UNC119B: variants seen among roughly 807,000 people sequenced by gnomAD.
UNC119B encodes protein unc-119 homolog B.
A neutral mutation model predicts 23.4 loss-of-function variants in UNC119B; 16 were observed. The ratio of observed to expected loss-of-function variants is 0.68; its 90% CI spans 0.46 to 1.04. UNC119B has a LOEUF of 1.04. UNC119B is among the 50% of genes least tolerant of loss of function. UNC119B has a pLI of 0.00. For missense variants in UNC119B, 350 were observed against 361.3 expected (o/e 0.97, Z 0.25); for synonymous variants, 144 against 145.4 (o/e 0.99, Z 0.07).
intron 2 of UNC119B, 24 bp downstream of exon 2, chr12:120,713,411 C>T (rs753912692): frequency 1.9e-6 from 3 of 1,556,770 alleles, no homozygotes; most frequent in Non-Finnish European, 2.6e-6. Context: ...TTGTGGTGAC[C>T]ACTAGACAGT....
Position 120,710,648 on chromosome 12 carries a change from G to A in UNC119B, c.174G>A (p.Thr58=), listed in dbSNP as rs932363020. The change falls in exon 1 of 5, where the codon ACG becomes ACA. Residue 58 remains threonine, a synonymous_variant. Coordinates refer to ENST00000344651, the MANE Select transcript of UNC119B (RefSeq NM_001080533.3). ...AADDGVGAAV[T]EQELLALDTI... ...ACGACGGCGTCGGGGCAGCGGTCACGGAGCAGGAGCTGCTGGCGCTGGACA... is the reference window on the plus strand; with the variant it reads ...ACGACGGCGTCGGGGCAGCGGTCACAGAGCAGGAGCTGCTGGCGCTGGACA... 1.4e-5 allele frequency: 20 copies of A among 1,447,390 alleles called. No homozygotes were observed. The highest frequency in any genetic ancestry group is 3.1e-5 in the East Asian group (1 of 32,748). 89.7% of individuals were successfully genotyped at this position (1,447,390 alleles called of 1,614,324 possible). A position where few individuals can be genotyped will look rare whatever the true frequency, so the allele number is the denominator to read the frequency against.
In UNC119B at chr12:120,722,590, C is replaced by T. The variant is rs573311775; in HGVS notation, c.*2558C>T. The T allele has an allele frequency of 6.6e-6, 1 of 152,364 alleles. No individual in the cohort carries two copies. The highest frequency in any genetic ancestry group is 2.1e-4 in the South Asian group (1 of 4,826). 9.4% of individuals were successfully genotyped at this position (152,364 alleles called of 1,614,324 possible). ...AAACTACCTGCATAGGAGACCCTGC[C>T]CTTTGTCAAGAGCTGGGAGCACATT... On this transcript the variant is annotated 3_prime_UTR_variant, in exon 5 of 5. Transcript: ENST00000344651.
At chr12:120,710,747 C>T (rs1714078280) in intron 1 of UNC119B, 29 bp downstream of exon 1, 1 of 1,308,248 alleles carries the variant, frequency 7.6e-7, no homozygotes, top group Non-Finnish European at 9.7e-7. Flanking sequence ...GCGCCCTCCC[C>T]TCGCGCCGTG....
chr12:120,711,117 C>T (rs1430645573), intron 1 of UNC119B: 1 of 158,152 alleles, frequency 6.3e-6, no homozygotes, highest in African/African-American at 2.4e-5. Flanking sequence ...GAAGTTCCCG[C>T]TCAGCCAGGC....
intron 2 of UNC119B, among the ~76,000 whole-genome samples, chr12:120,714,346 A>G (rs1161009175): frequency 2.0e-5 from 3 of 151,834 alleles, no homozygotes; most frequent in East Asian, 1.9e-4. Flanking sequence ...TTTGAGACAC[A>G]GTCTTGGTCT....
chr12:120,722,799 C>T lies in UNC119B; in HGVS notation c.*2767C>T, dbSNP rs972781077. ...TTCTATGTTTTAAGAGGTAAAAGGA[C>T]ATAACAAGTGAAAGAAGTTTTGGGC... On this transcript the variant is annotated 3_prime_UTR_variant, in exon 5 of 5. Coordinates refer to ENST00000344651, the MANE Select transcript of UNC119B (RefSeq NM_001080533.3). The T allele has an allele frequency of 6.6e-6, 1 of 152,196 alleles. No individual in the cohort carries two copies. The highest frequency in any genetic ancestry group is 6.5e-5 in the Admixed American group (1 of 15,282). The allele number at this position is 152,196 out of a possible 1,614,324, so 9.4% of individuals were successfully genotyped here. A position where few individuals can be genotyped will look rare whatever the true frequency, so the allele number is the denominator to read the frequency against.
Position 120,716,919 on chromosome 12 carries a change from G to T in UNC119B, c.520G>T (p.Glu174Ter). The stretch of plus-strand genomic sequence containing the variant: ...ACCTGTTTCAAACTTCCGGATGATC[G>T]AACGGCACTATTTCCGGGAACACTT... ...DKPVSNFRMI[E>*]RHYFREHLLK... Residue 174 changes from glutamate (E) to a stop codon, truncating the protein, a stop_gained, in exon 4 of 5, where the codon GAA (glutamate) becomes TAA (stop). Coordinates refer to ENST00000344651, the MANE Select transcript of UNC119B (RefSeq NM_001080533.3). LOFTEE classifies it high-confidence loss of function. 6.2e-7 allele frequency: 1 copy of T among 1,613,572 alleles called. No homozygotes were observed. The highest frequency in any genetic ancestry group is 8.5e-7 in the Non-Finnish European group (1 of 1,179,696).
intron 4 of UNC119B, among the ~76,000 whole-genome samples, 190 bp downstream of exon 4, chr12:120,717,232 C>T (rs567049232): frequency 9.9e-5 from 15 of 152,222 alleles, no homozygotes; most frequent in Non-Finnish European, 1.8e-4. Context: ...TGACTCGGCC[C>T]GTATGGGAGC....
Position 120,719,953 on chromosome 12 carries a change from G to A in UNC119B, c.677G>A (p.Arg226His), listed in dbSNP as rs867265235. 14 of 1,613,938 alleles carry A rather than the reference G, an allele frequency of 8.7e-6. No homozygotes were observed. Among genetic ancestry groups the A allele is most frequent in the Middle Eastern group, 1.6e-4 (1 of 6,082 alleles). The change falls in exon 5 of 5, where the codon CGC (arginine) becomes CAC (histidine). Residue 226 changes from arginine (R) to histidine (H), a missense_variant. By Grantham distance (29) the Arg-to-His change is conservative. Transcript: ENST00000344651. ...ATGATTGAAAATCCTTACGAGACCC[G>A]CTCTGACAGCTTCTACTTTGTTGAC... The part of the protein sequence containing the change: ...RLMIENPYET[R>H]SDSFYFVDNK...
At chr12:120,713,537 G>C (rs1882712318) in intron 2 of UNC119B, 150 bp downstream of exon 2, 1 of 618,944 alleles carries the variant, frequency 1.6e-6, no homozygotes, top group Non-Finnish European at 2.9e-6. Context: ...GCCAGGCATG[G>C]TGGTTTGAAG....
At chr12:120,715,102 G>A (rs1010363826) in intron 2 of UNC119B, among the ~76,000 whole-genome samples, 16 of 152,176 alleles carry the variant, frequency 1.1e-4, no homozygotes, top group Admixed American at 3.9e-4. Context: ...GAGGTGGAAG[G>A]ATGGCTTGAG....
At chr12:120,713,711 C>CT (rs886475320) in intron 2 of UNC119B, among the ~76,000 whole-genome samples, 1 of 152,204 alleles carries the variant, frequency 6.6e-6, no homozygotes, top group African/African-American at 2.4e-5. Context: ...CCAGGCGGCT[C>CT]TTTCCTAAGG....
rs780213745 is a variant in UNC119B at position 120,710,480 on chromosome 12, C to G, written c.6C>G (p.Ser2Arg). M[S>R]GSNPKAAAAA... Reference sequence around the variant, plus strand: ...GCCATCTTGGCGGCGGAGCGATGAGCGGGTCTAACCCGAAGGCTGCGGCCG... The same window carrying G: ...GCCATCTTGGCGGCGGAGCGATGAGGGGGTCTAACCCGAAGGCTGCGGCCG... Residue 2 changes from serine to arginine, a missense_variant, in exon 1 of 5, where the codon AGC (serine) becomes AGG (arginine). Coordinates refer to ENST00000344651, the MANE Select transcript of UNC119B (RefSeq NM_001080533.3). The G allele has an allele frequency of 1.5e-6, 2 of 1,294,668 alleles. No individual in the cohort carries two copies. The highest frequency in any genetic ancestry group is 9.8e-7 in the Non-Finnish European group (1 of 1,022,728). The allele number at this position is 1,294,668 out of a possible 1,614,324, so 80.2% of individuals were successfully genotyped here.
intron 1 of UNC119B, among the ~76,000 whole-genome samples, chr12:120,713,048 T>C (rs1372879706): frequency 1.3e-5 from 2 of 152,272 alleles, no homozygotes; most frequent in East Asian, 3.8e-4. Flanking sequence ...CTAAAAGTTT[T>C]GCAATTTTTC....
At chr12:120,715,691 G>A (rs1427938922) in intron 2 of UNC119B, among the ~76,000 whole-genome samples, 1 of 151,970 alleles carries the variant, frequency 6.6e-6, no homozygotes, top group South Asian at 2.1e-4. Flanking sequence ...GCGCCACCAC[G>A]CTGGGCTAAT....
In UNC119B at chr12:120,721,249, G is replaced by T. The variant is rs1194371922; in HGVS notation, c.*1217G>T. The T allele has an allele frequency of 6.6e-6, 1 of 152,232 alleles. No homozygotes were observed. The highest frequency in any genetic ancestry group is 1.9e-4 in the East Asian group (1 of 5,202). The allele number at this position is 152,232 out of a possible 1,614,324, so 9.4% of individuals were successfully genotyped here. ...TTCAGAAAGGGCAAAATAGGCTGAT[G>T]TGGCCTGTCAGAGTGATGTGTTCTC... is the stretch of plus-strand genomic sequence containing the variant. On this transcript the variant is annotated 3_prime_UTR_variant, in exon 5 of 5. Coordinates refer to ENST00000344651, the MANE Select transcript of UNC119B (RefSeq NM_001080533.3).
chr12:120,713,580 T>C (rs1882713157), intron 2 of UNC119B, among the ~76,000 whole-genome samples, 193 bp downstream of exon 2: 1 of 152,252 alleles, frequency 6.6e-6, no homozygotes, highest in Non-Finnish European at 1.5e-5. Flanking sequence ...GTTGGATGTC[T>C]ATTCTGTGCT....
intron 2 of UNC119B, among the ~76,000 whole-genome samples, 188 bp from the exon 3 acceptor site, chr12:120,716,440 G>C (rs183454239): frequency 6.6e-5 from 10 of 152,318 alleles, no homozygotes; most frequent in East Asian, 3.9e-4. Flanking sequence ...CACCTCGAAG[G>C]GTTGTTGTAA....
chr12:120,715,340 G>A (rs1294382351), intron 2 of UNC119B, among the ~76,000 whole-genome samples: 1 of 152,294 alleles, frequency 6.6e-6, no homozygotes, highest in South Asian at 2.1e-4. Flanking sequence ...CTCTGGGGGT[G>A]AACCCCTACT....
Sources: allele counts gnomAD v4.1 joint callset (sites outside exome capture counted in the v4.1 genomes callset), GRCh38; gene constraint gnomAD v4.1.1; transcripts MANE v1.5; gene names NCBI Gene and HGNC (gene_info 2026-07-23, HGNC 2026-07-21).